The following NEK4 variants were observed in gnomAD, a reference collection of about 807,000 sequenced individuals.
NEK4 encodes the protein NIMA related kinase 4, also known as serine/threonine-protein kinase Nek4.
A neutral mutation model predicts 98.4 loss-of-function variants in NEK4; 86 were observed. The ratio of observed to expected loss-of-function variants is 0.87; its 90% CI spans 0.73 to 1.05. The LOEUF (loss-of-function observed/expected upper bound fraction) is 1.05, where lower values mean the gene tolerates loss of function less well. Among genes scored for constraint, NEK4 ranks in the 50% least tolerant of loss-of-function variants. NEK4 has a pLI of 0.00. For missense variants in NEK4, 898 were observed against 950.3 expected, an observed-to-expected ratio of 0.94 and a Z score of 0.72; for synonymous variants, 328 against 342.2, an observed-to-expected ratio of 0.96 and a Z score of 0.46.
Position 52,763,575 on chromosome 3 carries a change from C to A in NEK4, c.716G>T (p.Arg239Ile), listed in dbSNP as rs1251859077. The A allele has an allele frequency of 6.2e-7, 1 of 1,613,558 alleles. No homozygotes were observed. The change falls in exon 5 of 16, where the codon AGA becomes ATA. Residue 239 changes from arginine (R) to isoleucine (I), a missense_variant. Arg to Ile is a moderately conservative substitution (Grantham distance 97, BLOSUM62 -3). Coordinates refer to ENST00000233027, the MANE Select transcript of NEK4 (RefSeq NM_003157.6). Reference sequence around the variant, plus strand: ...TTCAGGCCTTTTGCTCAGCATTGTTCTTATCAGTTCTGCCAGCTCTGGGCT... The same window carrying A: ...TTCAGGCCTTTTGCTCAGCATTGTTATTATCAGTTCTGCCAGCTCTGGGCT... ...DYSPELAELI[R>I]TMLSKRPEER...
At chr3:52,713,794 CAAAA>C (rs10554436) in intron 15 of NEK4, among the ~76,000 whole-genome samples, 2 of 83,334 alleles carry the variant, frequency 2.4e-5, no homozygotes, top group Non-Finnish European at 4.6e-5. Context: ...AACTCCCTCT[CAAAA>C]AAAAAAAAAA....
Position 52,711,740 on chromosome 3 carries a change from T to C in NEK4, c.*37A>G. 1 of 1,328,034 alleles carries C rather than the reference T, an allele frequency of 7.5e-7. No individual in the cohort carries two copies. Among genetic ancestry groups the C allele is most frequent in the Non-Finnish European group, 1.1e-6 (1 of 923,628 alleles). The allele number at this position is 1,328,034 out of a possible 1,614,324, so 82.3% of individuals were successfully genotyped here. ...TTTTTAAGCCAAAATCCTCTAAAAA[T>C]AGGTCTTTAATTCTGGCAGCAGATT... On this transcript the variant is annotated 3_prime_UTR_variant, in exon 16 of 16. Transcript: ENST00000233027.
At chr3:52,768,822 A>G (rs1283039398) in intron 1 of NEK4, among the ~76,000 whole-genome samples, 1 of 152,120 alleles carries the variant, frequency 6.6e-6, no homozygotes, top group Non-Finnish European at 1.5e-5. Flanking sequence ...TAGGGCCACA[A>G]AAATTACCTT....
At position 52,763,640 on chromosome 3, in the gene NEK4, A is replaced by G. The variant is rs1698440771; in HGVS notation, c.667-16T>C. On this transcript the variant is annotated splice_polypyrimidine_tract_variant and intron_variant, in intron 4 of 15. Transcript: ENST00000233027. ...TTGGTGGCAGCTACAAATAAAAATAATATTGTAATTATGACTAATGGTCTT... is the reference window on the plus strand; with the variant it reads ...TTGGTGGCAGCTACAAATAAAAATAGTATTGTAATTATGACTAATGGTCTT... The G allele has an allele frequency of 6.4e-7, 1 of 1,566,068 alleles. No homozygotes were observed. The highest frequency in any genetic ancestry group is 8.7e-7 in the Non-Finnish European group (1 of 1,152,358).
chr3:52,738,403 C>CTT lies in NEK4; in HGVS notation c.2300-686_2300-685dup, dbSNP rs549590598. Among the ~76,000 whole-genome samples the CTT allele has an allele frequency of 1.2e-4, 16 of 128,238 alleles. No individual in the cohort carries two copies. The Admixed American group carries it at 1.3e-3, about 10-fold the overall frequency. 84.1% of individuals were successfully genotyped at this position (128,238 alleles called of 152,430 possible). On this transcript the variant is annotated intron_variant, in intron 14 of 15. Coordinates refer to ENST00000233027, the MANE Select transcript of NEK4 (RefSeq NM_003157.6). ...CAGGCATGATGATACCACACCAAGC[C>CTT]TTTTTTTTTTTTTTTTGGTATTTTA...
intron 1 of NEK4, among the ~76,000 whole-genome samples, chr3:52,769,293 C>CTT (rs1290726466): frequency 6.6e-6 from 1 of 152,196 alleles, no homozygotes; most frequent in African/African-American, 2.4e-5. Context: ...TAAAATATAG[C>CTT]TTGACTATAC....
intron 11 of NEK4, 67 bp downstream of exon 11, chr3:52,744,172 C>T (rs370666597): frequency 2.7e-6 from 3 of 1,113,792 alleles, no homozygotes; most frequent in Non-Finnish European, 4.1e-6. Flanking sequence ...ATAGTTAGAA[C>T]CAGTGTTTCT....
chr3:52,751,917 G>T lies in NEK4; in HGVS notation c.1368+15C>A. Reference sequence around the variant, plus strand: ...TCTCTCCAAAACCAGTATCTCATGTGTGCATATCACTCACCTGGTCCTTTG... The same window carrying T: ...TCTCTCCAAAACCAGTATCTCATGTTTGCATATCACTCACCTGGTCCTTTG... On this transcript the variant is annotated intron_variant, in intron 7 of 15. Coordinates refer to ENST00000233027, the MANE Select transcript of NEK4 (RefSeq NM_003157.6). 1 of 1,607,272 alleles carries T rather than the reference G, an allele frequency of 6.2e-7. No individual in the cohort carries two copies. The highest frequency in any genetic ancestry group is 1.7e-5 in the Admixed American group (1 of 59,464).
chr3:52,743,457 A>C lies in NEK4; in HGVS notation c.1899T>G (p.Pro633=), dbSNP rs748184302. 2 of 1,613,608 alleles carry C rather than the reference A, an allele frequency of 1.2e-6. No homozygotes were observed. Among genetic ancestry groups the C allele is most frequent in the Admixed American group, 3.3e-5 (2 of 60,014 alleles). ...QSQEEMSSSG[P]SVRKASLSVA... ...CACTCAGAGACGCTTTCCTCACTGA[A>C]GGGCCTGAAAAGGCAAACATCCCCA... Residue 633 remains proline (P), a synonymous_variant, in exon 12 of 16, where the codon CCT becomes CCG. Transcript: ENST00000233027.
rs779524634 is a variant in NEK4 at position 52,770,662 on chromosome 3, C to G, written c.85G>C (p.Gly29Arg). 1.9e-6 allele frequency: 3 copies of G among 1,557,046 alleles called. No homozygotes were observed. In the African/African-American group the frequency reaches 4.1e-5, roughly 21 times the overall value. Residue 29 changes from glycine (G) to arginine (R), a missense_variant, in exon 1 of 16, where the codon GGC becomes CGC. Gly to Arg is a moderately radical substitution (Grantham distance 125). Transcript: ENST00000233027. Reference sequence around the variant, plus strand: ...GCCCCACCCCTGCAGACCTGCTTGCCGTCCCGCCGGTGCTTCACAAGCGTC... The same window carrying G: ...GCCCCACCCCTGCAGACCTGCTTGCGGTCCCGCCGGTGCTTCACAAGCGTC... ...EVTLVKHRRD[G>R]KQYVIKKLNL...
intron 2 of NEK4, 69 bp downstream of exon 2, chr3:52,768,269 T>C: frequency 3.4e-6 from 5 of 1,455,852 alleles, no homozygotes; most frequent in Non-Finnish European, 4.7e-6. Context: ...AGAAAAATTT[T>C]CCTAAAATAC....
intron 5 of NEK4, among the ~76,000 whole-genome samples, 189 bp downstream of exon 5, chr3:52,763,281 T>C (rs1390021148): frequency 6.6e-6 from 1 of 152,228 alleles, no homozygotes; most frequent in African/African-American, 2.4e-5. Flanking sequence ...AAATTATAAG[T>C]TTAATTCTCA....
chr3:52,751,527 A>T (rs915471610), intron 7 of NEK4, among the ~76,000 whole-genome samples: 2 of 151,844 alleles, frequency 1.3e-5, no homozygotes, highest in Admixed American at 1.3e-4. Context: ...AGGCTGAGGC[A>T]TAAGAACTGC....
At position 52,768,361 on chromosome 3, in the gene NEK4, C is replaced by T. The variant is rs1361753739; in HGVS notation, c.337G>A (p.Val113Ile). 1.2e-6 allele frequency: 2 copies of T among 1,614,216 alleles called. No homozygotes were observed. Among genetic ancestry groups the T allele is most frequent in the African/African-American group, 1.3e-5 (1 of 75,068 alleles). The change falls in exon 2 of 16, where the codon GTA becomes ATA. Residue 113 changes from valine (V) to isoleucine (I), a missense_variant. Transcript: ENST00000233027. ...LPENQVVEWF[V>I]QIAMALQYLH... ...ACCTGCAAAGCCATGGCGATCTGTACAAACCACTCTACCACCTGATTCTCA... is the reference window on the plus strand; with the variant it reads ...ACCTGCAAAGCCATGGCGATCTGTATAAACCACTCTACCACCTGATTCTCA...
At chr3:52,724,053 T>G (rs1017675567) in intron 15 of NEK4, among the ~76,000 whole-genome samples, 7 of 152,066 alleles carry the variant, frequency 4.6e-5, no homozygotes, top group Non-Finnish European at 8.8e-5. Flanking sequence ...GATGACATGG[T>G]GAAACCCTGT....
intron 6 of NEK4, chr3:52,754,077 A>ATGG: frequency 8.1e-6 from 2 of 246,348 alleles, no homozygotes; most frequent in South Asian, 5.1e-5. Context: ...GCAGGAGATC[A>ATGG]CTTGAACCCA....
chr3:52,753,686 C>T, intron 6 of NEK4: 1 of 580,740 alleles, frequency 1.7e-6, no homozygotes, highest in African/African-American at 1.9e-5. Context: ...GCCTACGGAG[C>T]CTGTCCCAGC....
intron 10 of NEK4, among the ~76,000 whole-genome samples, chr3:52,745,023 C>G (rs947035676): frequency 6.6e-6 from 1 of 151,906 alleles, no homozygotes; most frequent in Non-Finnish European, 1.5e-5. Flanking sequence ...ACACGCCATT[C>G]TCCTGCCTCA....
chr3:52,752,955 A>ACACACACACACACAC (rs1559441493), intron 6 of NEK4, among the ~76,000 whole-genome samples: 1 of 126,052 alleles, frequency 7.9e-6, no homozygotes, highest in African/African-American at 3.4e-5. Flanking sequence ...CACACACACA[A>ACACACACACACACAC]TGGAATATTT....
Sources: gnomAD v4.1 joint callset for allele counts (sites outside exome capture counted in the v4.1 genomes callset) on GRCh38, gnomAD v4.1.1 for gene constraint, MANE v1.5 for transcripts, NCBI Gene and HGNC (gene_info 2026-07-23, HGNC 2026-07-21) for gene names.